Variants in TEX26 observed in about 807,000 individuals in gnomAD.
TEX26 encodes testis expressed 26, also known as testis-expressed protein 26.
In TEX26, 34 loss-of-function variants were observed where a neutral mutation model predicts 35.3. That is an observed-to-expected ratio of 0.96 (90% CI 0.73 to 1.28). The LOEUF (loss-of-function observed/expected upper bound fraction) is 1.28. Ranked by LOEUF, TEX26 falls within the 50% of genes most tolerant of loss-of-function variation. The probability of loss-of-function intolerance (pLI) is 0.00; values close to 1 mark genes in which losing one functional copy is unlikely to be tolerated. For synonymous variants in TEX26, 136 were observed against 111.8 expected (o/e 1.22, Z -1.36); for missense variants, 371 against 330.1 (o/e 1.12, Z -0.96).
chr13:30,932,846 G>A, intron 1 of TEX26, 70 bp downstream of exon 1: 1 of 1,530,686 alleles, frequency 6.5e-7, no homozygotes, highest in Non-Finnish European at 8.9e-7. Flanking sequence ...GTCCTGTTGA[G>A]AAAAAGGGGC....
Position 30,966,348 on chromosome 13 carries a change from G to T in TEX26, c.596G>T (p.Ser199Ile), listed in dbSNP as rs138250914. 1 of 1,607,820 alleles carries T rather than the reference G, an allele frequency of 6.2e-7. No individual in the cohort carries two copies. The highest frequency in any genetic ancestry group is 1.1e-5 in the South Asian group (1 of 90,992). The change falls in exon 5 of 7, where the codon AGT (serine) becomes ATT (isoleucine). Residue 199 changes from serine (S) to isoleucine (I), a missense_variant. Physicochemically the swap from Ser to Ile is moderately radical, Grantham distance 142 (BLOSUM62 -2). Transcript: ENST00000380473. ...AAAATTCCTGAGCTTCAAGATTTCA[G>T]TTTCAAATATGGATGCTACTCAAGC... ...PAKIPELQDF[S>I]FKYGCYSSLP...
intron 3 of TEX26, 60 bp from the exon 4 acceptor site, chr13:30,956,813 T>G (rs1954149630): frequency 1.4e-6 from 2 of 1,445,952 alleles, no homozygotes; most frequent in Admixed American, 3.5e-5. Context: ...ACACTCAGAT[T>G]ATTGATCCTA....
At chr13:30,944,468 C>A (rs1953629277) in intron 2 of TEX26, among the ~76,000 whole-genome samples, 1 of 151,432 alleles carries the variant, frequency 6.6e-6, no homozygotes, top group African/African-American at 2.4e-5. Context: ...GATCTTATTT[C>A]TTTTCTTGTA....
intron 1 of TEX26, chr13:30,933,481 T>G (rs1190896863): frequency 6.6e-6 from 1 of 152,198 alleles, no homozygotes; most frequent in Non-Finnish European, 1.5e-5. Flanking sequence ...TCCATCATAG[T>G]CTCTTGTGGC....
intron 1 of TEX26, among the ~76,000 whole-genome samples, chr13:30,938,131 A>C (rs1349694310): frequency 6.6e-6 from 1 of 152,178 alleles, no homozygotes; most frequent in African/African-American, 2.4e-5. Flanking sequence ...AAAAGTAGAG[A>C]TGTTCAACCA....
intron 2 of TEX26, among the ~76,000 whole-genome samples, chr13:30,947,227 T>C (rs1257317365): frequency 6.6e-6 from 1 of 152,186 alleles, no homozygotes; most frequent in Non-Finnish European, 1.5e-5. Context: ...CTTAATGAGA[T>C]AAATGTGGCT....
intron 6 of TEX26, 173 bp from the exon 7 acceptor site, chr13:30,974,673 C>T (rs1275573218): frequency 7.5e-6 from 4 of 530,092 alleles, no homozygotes; most frequent in African/African-American, 2.0e-5. Flanking sequence ...TCAATAATTA[C>T]ACAACTGTGC....
At chr13:30,943,465 T>G (rs1317584309) in intron 2 of TEX26, among the ~76,000 whole-genome samples, 1 of 152,130 alleles carries the variant, frequency 6.6e-6, no homozygotes, top group East Asian at 1.9e-4. Context: ...TTCTTTCTCT[T>G]GCTTGATTGG....
At chr13:30,939,273 A>G (rs1470315575) in intron 1 of TEX26, among the ~76,000 whole-genome samples, 2 of 152,214 alleles carry the variant, frequency 1.3e-5, no homozygotes, top group African/African-American at 4.8e-5. Context: ...GTCCATTATA[A>G]AACTTGATGT....
chr13:30,956,356 T>C (rs1954130624), intron 3 of TEX26, among the ~76,000 whole-genome samples: 1 of 151,404 alleles, frequency 6.6e-6, no homozygotes, highest in South Asian at 2.1e-4. Context: ...CATCATTTTT[T>C]ATGGCTGCAT....
At chr13:30,960,386 G>A (rs1397656509) in intron 4 of TEX26, among the ~76,000 whole-genome samples, 1 of 152,080 alleles carries the variant, frequency 6.6e-6, no homozygotes, top group Non-Finnish European at 1.5e-5. Context: ...GAGACTGCAG[G>A]CATGCACCAC....
At chr13:30,958,537 G>T (rs1189897582) in intron 4 of TEX26, among the ~76,000 whole-genome samples, 1 of 152,122 alleles carries the variant, frequency 6.6e-6, no homozygotes, top group Non-Finnish European at 1.5e-5. Context: ...AAGCCAGGGA[G>T]TGCTGAGGGC....
Position 30,940,326 on chromosome 13 carries a change from T to TTTTTTC in TEX26, c.146+553_146+554insCTTTTT, listed in dbSNP as rs1953435892. The stretch of plus-strand genomic sequence containing the variant: ...GAGTTTCTAAACATCAGCTGCCTTT[T>TTTTTTC]TTTTTTTTTTTTTTTTTTTTTTTTT... On this transcript the variant is annotated intron_variant, in intron 2 of 6. Transcript: ENST00000380473. 6.0e-5 allele frequency among the ~76,000 whole-genome samples: 4 copies of TTTTTTC among 66,594 alleles called. No homozygotes were observed. The Admixed American group carries it at 6.2e-4, about 10-fold the overall frequency. 43.7% of individuals were successfully genotyped at this position (66,594 alleles called of 152,430 possible).
At chr13:30,951,752 A>G (rs535234114) in intron 2 of TEX26, among the ~76,000 whole-genome samples, 16 of 152,308 alleles carry the variant, frequency 1.1e-4, no homozygotes, top group South Asian at 8.3e-4. Context: ...TGTAACAATT[A>G]TATTATCTCA....
intron 2 of TEX26, among the ~76,000 whole-genome samples, chr13:30,951,922 T>C (rs1001278924): frequency 7.5e-5 from 9 of 119,252 alleles, no homozygotes; most frequent in Non-Finnish European, 1.5e-4. Flanking sequence ...ATTTAATCTT[T>C]AAAAAAAAAG....
At chr13:30,964,443 T>C (rs1954457313) in intron 4 of TEX26, among the ~76,000 whole-genome samples, 1 of 152,212 alleles carries the variant, frequency 6.6e-6, no homozygotes. Flanking sequence ...GGTAGAACAA[T>C]GACTTAATTA....
At chr13:30,969,110 C>G in intron 6 of TEX26, 64 bp downstream of exon 6, 1 of 1,439,360 alleles carries the variant, frequency 6.9e-7, no homozygotes, top group Non-Finnish European at 9.3e-7. Flanking sequence ...CAAATAGAAA[C>G]TGTTCCAAGT....
At chr13:30,937,938 A>G (rs1953334834) in intron 1 of TEX26, among the ~76,000 whole-genome samples, 1 of 152,238 alleles carries the variant, frequency 6.6e-6, no homozygotes, top group African/African-American at 2.4e-5. Flanking sequence ...GGAACCATAA[A>G]TATTTGGCCA....
intron 3 of TEX26, among the ~76,000 whole-genome samples, chr13:30,956,358 T>A (rs1954130759): frequency 6.6e-6 from 1 of 152,036 alleles, no homozygotes; most frequent in Admixed American, 6.5e-5. Flanking sequence ...TCATTTTTTA[T>A]GGCTGCATAG....
Sources: gnomAD v4.1 joint callset for allele counts (sites outside exome capture counted in the v4.1 genomes callset) on GRCh38, gnomAD v4.1.1 for gene constraint, MANE v1.5 for transcripts, NCBI Gene and HGNC (gene_info 2026-07-23, HGNC 2026-07-21) for gene names.